Variants in ATF7IP2 observed in about 807,000 individuals in gnomAD.
ATF7IP2 encodes the protein activating transcription factor 7-interacting protein 2.
ATF7IP2 carries 42 observed loss-of-function variants against 64.2 expected under a neutral mutation model. The ratio of observed to expected loss-of-function variants is 0.65; its 90% CI spans 0.51 to 0.85. The LOEUF (loss-of-function observed/expected upper bound fraction) is 0.85, where lower values mean the gene tolerates loss of function less well. Among genes scored for constraint, ATF7IP2 ranks in the 40% least tolerant of loss-of-function variants. ATF7IP2 has a pLI of 0.00. For missense variants in ATF7IP2, 933 were observed against 784.2 expected, an observed-to-expected ratio of 1.19 and a Z score of -2.27; for synonymous variants, 308 against 272.8, an observed-to-expected ratio of 1.13 and a Z score of -1.27.
chr16:10,402,786 T>G (rs894107793), intron 1 of ATF7IP2, among the ~76,000 whole-genome samples: 10 of 151,982 alleles, frequency 6.6e-5, no homozygotes. Context: ...TTTAAAAATT[T>G]GTTCACAGCC....
intron 9 of ATF7IP2, among the ~76,000 whole-genome samples, chr16:10,470,231 TAC>T (rs755432654): frequency 6.6e-6 from 1 of 152,026 alleles, no homozygotes. Context: ...ATTATATATA[TAC>T]ACACACACAA....
chr16:10,430,870 A>T lies in ATF7IP2; in HGVS notation c.250A>T (p.Ile84Leu). 1 of 1,613,886 alleles carries T rather than the reference A, an allele frequency of 6.2e-7. No individual in the cohort carries two copies. The highest frequency in any genetic ancestry group is 8.5e-7 in the Non-Finnish European group (1 of 1,179,834). ...ASSLDSNKNSISEKSKVFSQN... is the reference protein window; with the variant it reads ...ASSLDSNKNSLSEKSKVFSQN... Reference sequence around the variant, plus strand: ...CTCATTGGACTCTAATAAAAATTCAATATCAGAGAAAAGTAAAGTATTCTC... The same window carrying T: ...CTCATTGGACTCTAATAAAAATTCATTATCAGAGAAAAGTAAAGTATTCTC... Residue 84 changes from isoleucine to leucine, a missense_variant, in exon 5 of 14, where the codon ATA becomes TTA. Physicochemically the swap from Ile to Leu is conservative, Grantham distance 5 (BLOSUM62 2). Transcript: ENST00000562102.
chr16:10,439,107 A>T (rs1360171772), intron 7 of ATF7IP2, among the ~76,000 whole-genome samples: 1 of 151,046 alleles, frequency 6.6e-6, no homozygotes, highest in East Asian at 1.9e-4. Flanking sequence ...CCTTTATTAG[A>T]ACTTGTACAA....
chr16:10,390,837 C>T (rs572402521), intron 1 of ATF7IP2, among the ~76,000 whole-genome samples: 14 of 152,244 alleles, frequency 9.2e-5, no homozygotes, highest in Non-Finnish European at 1.6e-4. Context: ...TTACCTGAAG[C>T]TGCAACAAGA....
intron 1 of ATF7IP2, among the ~76,000 whole-genome samples, chr16:10,394,238 C>T (rs1263359105): frequency 1.3e-5 from 2 of 152,138 alleles, no homozygotes; most frequent in South Asian, 2.1e-4. Context: ...GTAAAGCTAT[C>T]GTGCCTATAC....
chr16:10,441,729 G>A lies in ATF7IP2; in HGVS notation c.1194+1267G>A, dbSNP rs571238823. ...CTCTGATGATAGTTTCCTTTGCTGC[G>A]CAGAATCTCTTTAGTTTAATTAGAT... On this transcript the variant is annotated intron_variant, in intron 8 of 13. Coordinates refer to ENST00000562102, the MANE Select transcript of ATF7IP2 (RefSeq NM_001393719.1). Among the ~76,000 whole-genome samples, 153 of 152,216 alleles carry A rather than the reference G, an allele frequency of 1.0e-3. 1 individual carries two copies. Among genetic ancestry groups the A allele is most frequent in the Non-Finnish European group, 1.6e-3 (111 of 68,008 alleles).
chr16:10,479,355 C>T (rs2050129818), intron 12 of ATF7IP2, among the ~76,000 whole-genome samples: 1 of 152,006 alleles, frequency 6.6e-6, no homozygotes, highest in Admixed American at 6.6e-5. Context: ...GTTGTAGGGA[C>T]ATGGATGAAA....
Position 10,481,853 on chromosome 16 carries a change from G to T in ATF7IP2, c.1653G>T (p.Glu551Asp), listed in dbSNP as rs1364475048. 2 of 1,591,386 alleles carry T rather than the reference G, an allele frequency of 1.3e-6. No individual in the cohort carries two copies. Among genetic ancestry groups the T allele is most frequent in the African/African-American group, 1.4e-5 (1 of 73,636 alleles). Residue 551 changes from glutamate (E) to aspartate (D), a missense_variant, in exon 14 of 14, where the codon GAG becomes GAT. Physicochemically the swap from Glu to Asp is conservative, Grantham distance 45. Coordinates refer to ENST00000562102, the MANE Select transcript of ATF7IP2 (RefSeq NM_001393719.1). ...GTTTTTAGGTTCCTGAGTCCTTTGA[G>T]CACCTGCCACCTCTCCCAGAACCAC... ...QNAVQVPESF[E>D]HLPPLPEPPA...
At chr16:10,432,733 G>C (rs1200910114) in intron 5 of ATF7IP2, among the ~76,000 whole-genome samples, 1 of 152,150 alleles carries the variant, frequency 6.6e-6, no homozygotes, top group African/African-American at 2.4e-5. Context: ...TTAGCCAGGC[G>C]TGGTGGTGGG....
At chr16:10,448,667 A>G (rs2048888845) in intron 8 of ATF7IP2, 1 of 152,162 alleles carries the variant, frequency 6.6e-6, no homozygotes, top group Non-Finnish European at 1.5e-5. Context: ...GGCTGAGATG[A>G]TGGGGTTTTC....
In ATF7IP2 at chr16:10,483,162, T is replaced by C. The variant is rs2050298943; in HGVS notation, c.*913T>C. On this transcript the variant is annotated 3_prime_UTR_variant, in exon 14 of 14. Coordinates refer to ENST00000562102, the MANE Select transcript of ATF7IP2 (RefSeq NM_001393719.1). ...AAATAGCCTGGAGGTCTTTCCTGAA[T>C]CTGTTTGTAGACATAATAAAATTTG... 6.6e-6 allele frequency: 1 copy of C among 152,268 alleles called. No individual in the cohort carries two copies. Among genetic ancestry groups the C allele is most frequent in the Non-Finnish European group, 1.5e-5 (1 of 68,058 alleles). The allele number at this position is 152,268 out of a possible 1,614,324, so 9.4% of individuals were successfully genotyped here. A position where few individuals can be genotyped will look rare whatever the true frequency, so the allele number is the denominator to read the frequency against.
intron 7 of ATF7IP2, among the ~76,000 whole-genome samples, chr16:10,439,736 G>T (rs1403711546): frequency 6.8e-6 from 1 of 147,368 alleles, no homozygotes; most frequent in African/African-American, 2.5e-5. Context: ...GTTTCTCCAT[G>T]TTGGTCAGGC....
At chr16:10,434,025 G>C (rs1436028664) in intron 6 of ATF7IP2, among the ~76,000 whole-genome samples, 1 of 152,136 alleles carries the variant, frequency 6.6e-6, no homozygotes, top group African/African-American at 2.4e-5. Flanking sequence ...TAGATCTGCA[G>C]CTCTATCCAT....
chr16:10,402,340 G>A (rs1215803767), intron 1 of ATF7IP2, among the ~76,000 whole-genome samples: 1 of 152,094 alleles, frequency 6.6e-6, no homozygotes, highest in African/African-American at 2.4e-5. Context: ...ATGACTCAGT[G>A]ATAGTTCAGA....
Position 10,463,800 on chromosome 16 carries a change from A to G in ATF7IP2, c.1352+6271A>G, listed in dbSNP as rs532748421. Among the ~76,000 whole-genome samples the G allele has an allele frequency of 9.2e-5, 14 of 152,366 alleles. No homozygotes were observed. In the South Asian group the frequency reaches 2.3e-3, roughly 25 times the overall value. ...GAGATACAATACAATATTTCAATCTATTCAGAACTTGAGCAGAACTGAGGC... is the reference window on the plus strand; with the variant it reads ...GAGATACAATACAATATTTCAATCTGTTCAGAACTTGAGCAGAACTGAGGC... On this transcript the variant is annotated intron_variant, in intron 9 of 13. Coordinates refer to ENST00000562102, the MANE Select transcript of ATF7IP2 (RefSeq NM_001393719.1).
At chr16:10,437,099 G>A in intron 6 of ATF7IP2, among the ~76,000 whole-genome samples, 1 of 149,408 alleles carries the variant, frequency 6.7e-6, no homozygotes, top group East Asian at 2.0e-4. Flanking sequence ...TCGGCTCACT[G>A]CAACCTCCAC....
intron 5 of ATF7IP2, 107 bp downstream of exon 5, chr16:10,431,562 A>G: frequency 1.4e-6 from 1 of 701,068 alleles, no homozygotes; most frequent in Non-Finnish European, 2.3e-6. Context: ...AAAAAGGTAA[A>G]TGATGACAAT....
At chr16:10,449,293 G>C (rs186377584) in intron 8 of ATF7IP2, 1 of 152,146 alleles carries the variant, frequency 6.6e-6, no homozygotes, top group Non-Finnish European at 1.5e-5. Flanking sequence ...TCTCTGTGAG[G>C]TTTTGGTATC....
intron 8 of ATF7IP2, among the ~76,000 whole-genome samples, chr16:10,450,131 G>T (rs1200806271): frequency 6.6e-6 from 1 of 152,150 alleles, no homozygotes; most frequent in Non-Finnish European, 1.5e-5. Context: ...GTGTGGTTTT[G>T]AGTGAGTTTC....
Sources: gnomAD v4.1 joint callset for allele counts (sites outside exome capture counted in the v4.1 genomes callset) on GRCh38, gnomAD v4.1.1 for gene constraint, MANE v1.5 for transcripts, NCBI Gene and HGNC (gene_info 2026-07-23, HGNC 2026-07-21) for gene names.